Variants in SPATA13 observed in about 807,000 individuals in gnomAD.
SPATA13 encodes the protein spermatogenesis associated 13.
SPATA13 carries 50 observed loss-of-function variants against 104.0 expected under a neutral mutation model. That is an observed-to-expected ratio of 0.48 (90% CI 0.38 to 0.61). SPATA13 has a LOEUF of 0.61. Ranked by LOEUF, SPATA13 falls within the 20% of genes least tolerant of loss-of-function variation. The pLI is 0.00. For synonymous variants in SPATA13, 606 were observed against 667.5 expected (o/e 0.91, Z 1.42); for missense variants, 1,524 against 1,690.6 (o/e 0.90, Z 1.73).
chr13:24,164,938 C>T (rs1882659336), intron 1 of SPATA13, among the ~76,000 whole-genome samples: 1 of 152,178 alleles, frequency 6.6e-6, no homozygotes, highest in South Asian at 2.1e-4. Flanking sequence ...TGGACGATGC[C>T]CTCTGTGCCT....
chr13:24,013,240 C>T (rs1223362326), intron 2 of SPATA13, among the ~76,000 whole-genome samples: 1 of 152,228 alleles, frequency 6.6e-6, no homozygotes, highest in Non-Finnish European at 1.5e-5. Flanking sequence ...AACTTCTCCT[C>T]AGCTCAGCTC....
Position 24,150,938 on chromosome 13 carries a change from C to T in SPATA13, c.-111-71881C>T, listed in dbSNP as rs557770332. 3.6e-3 allele frequency among the ~76,000 whole-genome samples: 544 copies of T among 152,226 alleles called. 9 individuals carry two copies. Among genetic ancestry groups the T allele is most frequent in the African/African-American group, 0.012 (501 of 41,532 alleles). ...GCTGTCTAGATGCTGTTTGACTGGG[C>T]GCCATGGCCCAGCCAAATTGATGCA... On this transcript the variant is annotated intron_variant, in intron 3 of 14. Coordinates refer to the SPATA13 transcript ENST00000424834.
At chr13:23,987,455 A>G (rs1875205656) in intron 2 of SPATA13, among the ~76,000 whole-genome samples, 1 of 152,152 alleles carries the variant, frequency 6.6e-6, no homozygotes, top group African/African-American at 2.4e-5. Flanking sequence ...TATTATGTTC[A>G]TTACTCTTAG....
At chr13:24,221,899 G>A (rs1871607562) in intron 1 of SPATA13, among the ~76,000 whole-genome samples, 1 of 143,268 alleles carries the variant, frequency 7.0e-6, no homozygotes, top group Admixed American at 7.4e-5. Flanking sequence ...TGCAACTTCT[G>A]TCTCCCAGGT....
At chr13:24,095,762 A>G (rs1290844192) in intron 3 of SPATA13, among the ~76,000 whole-genome samples, 1 of 152,176 alleles carries the variant, frequency 6.6e-6, no homozygotes, top group Non-Finnish European at 1.5e-5. Context: ...AACTTTCCCA[A>G]CCATCCTGTC....
intron 4 of SPATA13, among the ~76,000 whole-genome samples, chr13:24,260,118 C>T (rs1873984465): frequency 6.6e-6 from 1 of 152,168 alleles, no homozygotes; most frequent in Non-Finnish European, 1.5e-5. Flanking sequence ...GGAAAAACCA[C>T]CACAACTGCA....
At chr13:24,172,325 G>A (rs1314811902) in intron 1 of SPATA13, among the ~76,000 whole-genome samples, 1 of 152,228 alleles carries the variant, frequency 6.6e-6, no homozygotes, top group Non-Finnish European at 1.5e-5. Flanking sequence ...CAGCCACTTA[G>A]CAAGGTCTTT....
At chr13:24,141,206 C>T (rs566592111) in intron 3 of SPATA13, among the ~76,000 whole-genome samples, 2 of 151,448 alleles carry the variant, frequency 1.3e-5, no homozygotes, top group East Asian at 3.9e-4. Context: ...TTAGGTTCTA[C>T]ATGGTGGTTC....
intron 2 of SPATA13, among the ~76,000 whole-genome samples, chr13:24,243,065 GTGT>G (rs1332840119): frequency 6.6e-6 from 1 of 152,202 alleles, no homozygotes; most frequent in African/African-American, 2.4e-5. Flanking sequence ...ATACTGTTAA[GTGT>G]TGTTATCTAA....
At chr13:24,001,937 A>G (rs577441487) in intron 2 of SPATA13, among the ~76,000 whole-genome samples, 1 of 151,728 alleles carries the variant, frequency 6.6e-6, no homozygotes, top group Admixed American at 6.6e-5. Flanking sequence ...GGGACATGGG[A>G]GGTGAGGAGG....
chr13:24,156,043 C>T (rs1418513226), upstream of SPATA13, among the ~76,000 whole-genome samples: 1 of 152,134 alleles, frequency 6.6e-6, no homozygotes, highest in African/African-American at 2.4e-5. Context: ...AGTGATATTC[C>T]ATTGTATGTA....
In SPATA13 at chr13:24,249,508, C is replaced by T. The variant is rs1435106093; in HGVS notation, c.1685C>T (p.Ser562Leu). Reference protein sequence around the residue: ...VVPDGPWRRSSSQDEERTEAQ... With the variant: ...VVPDGPWRRSLSQDEERTEAQ... ...CCTGATGGCCCCTGGAGGCGAAGCTCATCACAGGATGAGGAAAGGACAGAG... is the reference window on the plus strand; with the variant it reads ...CCTGATGGCCCCTGGAGGCGAAGCTTATCACAGGATGAGGAAAGGACAGAG... Residue 562 changes from serine to leucine, a missense_variant, in exon 3 of 13, where the codon TCA becomes TTA. By Grantham distance (145) the Ser-to-Leu change is moderately radical. This residue lies in a region of SPATA13 where 1,089 missense variants were observed against 1,135.9 expected (regional missense o/e 0.96). Coordinates refer to ENST00000382108, the MANE Select transcript of SPATA13 (RefSeq NM_001166271.3). The T allele has an allele frequency of 3.1e-6, 5 of 1,595,850 alleles. No individual in the cohort carries two copies. The highest frequency in any genetic ancestry group is 3.4e-6 in the Non-Finnish European group (4 of 1,170,938).
At chr13:24,089,940 A>C (rs1271882302) in intron 3 of SPATA13, among the ~76,000 whole-genome samples, 1 of 152,186 alleles carries the variant, frequency 6.6e-6, no homozygotes, top group Admixed American at 6.5e-5. Context: ...TTCACATGGC[A>C]TGGACTTGTC....
chr13:24,092,109 C>T (rs1266283681), intron 3 of SPATA13, among the ~76,000 whole-genome samples: 1 of 152,164 alleles, frequency 6.6e-6, no homozygotes, highest in Non-Finnish European at 1.5e-5. Context: ...CTTGTTTTGG[C>T]CATTTTTGCC....
At position 24,161,081 on chromosome 13, in the gene SPATA13, G is replaced by A; in HGVS notation, c.-112+149G>A. On this transcript the variant is annotated intron_variant, in intron 1 of 12. Transcript: ENST00000382108. The surrounding 1 kb of genome is among the most constrained non-coding windows in gnomAD (Gnocchi z 4.5). ...TGCTTGGCCTCTGCTTCCCCCGCCGGTGGAGGCTACCGGGTGCTCACCTGT... is the reference window on the plus strand; with the variant it reads ...TGCTTGGCCTCTGCTTCCCCCGCCGATGGAGGCTACCGGGTGCTCACCTGT... 4.7e-6 allele frequency: 2 copies of A among 425,764 alleles called. No individual in the cohort carries two copies. The highest frequency in any genetic ancestry group is 9.6e-5 in the South Asian group (1 of 10,400). The allele number at this position is 425,764 out of a possible 1,614,324, so 26.4% of individuals were successfully genotyped here.
chr13:24,278,760 A>G (rs1338583583), intron 4 of SPATA13: 7 of 1,589,156 alleles, frequency 4.4e-6, no homozygotes, highest in Non-Finnish European at 6.0e-6. Flanking sequence ...TTGACCAAGG[A>G]CTCATACTCA....
rs781629339 is a variant in SPATA13 at position 24,294,854 on chromosome 13, A to G, written c.3196A>G (p.Ile1066Val). 1.6e-5 allele frequency: 25 copies of G among 1,608,374 alleles called. No individual in the cohort carries two copies. The highest frequency in any genetic ancestry group is 8.8e-5 in the South Asian group (8 of 90,938). ...CAAGATAGCTCGCTGGCAGGTGTCTATCGTGGGCTGGGAGGTAAGTGGAAA... is the reference window on the plus strand; with the variant it reads ...CAAGATAGCTCGCTGGCAGGTGTCTGTCGTGGGCTGGGAGGTAAGTGGAAA... ...IDKIARWQVS[I>V]VGWEGLDILD... The change falls in exon 10 of 13, where the codon ATC becomes GTC. Residue 1066 changes from isoleucine (I) to valine (V), a missense_variant. Ile to Val is a conservative substitution (Grantham distance 29, BLOSUM62 3). Around this residue, in one of 2 missense-constraint regions of SPATA13, gnomAD observed 435 missense variants for 554.8 expected, o/e 0.78. Transcript: ENST00000382108.
chr13:24,230,162 T>G (rs1264910147), intron 2 of SPATA13, among the ~76,000 whole-genome samples: 1 of 152,168 alleles, frequency 6.6e-6, no homozygotes, highest in Admixed American at 6.5e-5. Flanking sequence ...ATAATCCAAG[T>G]TAAGATGGAA....
intron 3 of SPATA13, among the ~76,000 whole-genome samples, chr13:24,105,657 G>A (rs1367379250): frequency 6.6e-6 from 1 of 152,128 alleles, no homozygotes; most frequent in Non-Finnish European, 1.5e-5. Context: ...GAAATGGAAA[G>A]CACATAAAAG....
Sources: gnomAD v4.1 joint callset for allele counts (sites outside exome capture counted in the v4.1 genomes callset) on GRCh38, gnomAD v4.1.1 for gene constraint, gnomAD v4.1.1 regional missense constraint, Gnocchi (gnomAD v3.1) non-coding constraint, MANE v1.5 for transcripts, NCBI Gene and HGNC (gene_info 2026-07-23, HGNC 2026-07-21) for gene names.